Variants in GPC3 observed in about 807,000 individuals in gnomAD.
The protein encoded by GPC3 is glypican-3.
In GPC3, 3 loss-of-function variants were observed where a neutral mutation model predicts 34.4. That is an observed-to-expected ratio of 0.09 (90% CI 0.04 to 0.23). The LOEUF is 0.23. Ranked by LOEUF, GPC3 falls within the 10% of genes least tolerant of loss-of-function variation. GPC3 has a pLI of 1.00. For synonymous variants in GPC3, 177 were observed against 174.0 expected, an observed-to-expected ratio of 1.02 and a Z score of -0.13; for missense variants, 351 against 445.6, an observed-to-expected ratio of 0.79 and a Z score of 1.91.
chrX:133,851,014 G>T (rs1378911654), intron 2 of GPC3, among the ~76,000 whole-genome samples: 1 of 111,129 alleles, frequency 9.0e-6, no homozygotes, highest in Non-Finnish European at 1.9e-5. Flanking sequence ...TGAGGCAGAA[G>T]AATTGCTTGA....
chrX:133,648,538 A>G (rs1031255524), intron 6 of GPC3, among the ~76,000 whole-genome samples: 1 of 111,969 alleles, frequency 8.9e-6, no homozygotes, highest in Non-Finnish European at 1.9e-5. Flanking sequence ...CGCTGCTGGC[A>G]GAGTTAACAT....
At chrX:133,936,209 TATAATAATAATA>T (rs58972441) in intron 2 of GPC3, among the ~76,000 whole-genome samples, 3 of 99,448 alleles carry the variant, frequency 3.0e-5, no homozygotes, top group African/African-American at 7.3e-5. Flanking sequence ...AAACTTAAAG[TATAATAATAATA>T]ATAATAATAA....
At chrX:133,743,524 A>G (rs2071584288) in intron 3 of GPC3, among the ~76,000 whole-genome samples, 1 of 112,491 alleles carries the variant, frequency 8.9e-6, no homozygotes, top group African/African-American at 3.2e-5. Flanking sequence ...TTGTGGTGCC[A>G]TTGTGAGTGG....
intron 3 of GPC3, among the ~76,000 whole-genome samples, chrX:133,733,425 T>A (rs778887620): frequency 4.5e-4 from 50 of 111,209 alleles, no homozygotes; most frequent in African/African-American, 1.5e-3. Context: ...AAACTACTTG[T>A]ACCCCAAAAG....
intron 2 of GPC3, among the ~76,000 whole-genome samples, chrX:133,840,658 T>C (rs2075820204): frequency 9.0e-6 from 1 of 111,049 alleles, no homozygotes; most frequent in African/African-American, 3.3e-5. Context: ...ATCATCACCA[T>C]GCTCTTTTCC....
intron 3 of GPC3, among the ~76,000 whole-genome samples, chrX:133,744,234 G>A (rs1271873652): frequency 8.9e-6 from 1 of 112,084 alleles, no homozygotes; most frequent in African/African-American, 3.2e-5. Flanking sequence ...GCAACCTACA[G>A]AATGGGAGAA....
intron 2 of GPC3, among the ~76,000 whole-genome samples, chrX:133,939,162 T>G (rs1176013180): frequency 7.2e-5 from 8 of 111,664 alleles, no homozygotes; most frequent in Non-Finnish European, 1.3e-4. Flanking sequence ...GACCAGCTAC[T>G]GGCTCCTTAT....
At chrX:133,668,802 C>T (rs2070796611) in intron 5 of GPC3, among the ~76,000 whole-genome samples, 1 of 111,740 alleles carries the variant, frequency 8.9e-6, no homozygotes, top group African/African-American at 3.3e-5. Flanking sequence ...AATCCATCTC[C>T]AGCTGTGTGG....
At chrX:133,602,192 C>T (rs182973730) in intron 6 of GPC3, among the ~76,000 whole-genome samples, 19 of 111,594 alleles carry the variant, frequency 1.7e-4, no homozygotes, top group Admixed American at 1.6e-3. Context: ...CCCACATTCT[C>T]GCTCATATGT....
At chrX:133,697,152 C>G (rs1189145401) in intron 4 of GPC3, among the ~76,000 whole-genome samples, 4 of 112,651 alleles carry the variant, frequency 3.6e-5, no homozygotes. Flanking sequence ...GTAAAAACAG[C>G]CTTTCATCCC....
intron 2 of GPC3, among the ~76,000 whole-genome samples, chrX:133,942,479 G>A (rs2124628870): frequency 8.9e-6 from 1 of 111,797 alleles, no homozygotes; most frequent in African/African-American, 3.2e-5. Flanking sequence ...TGTTACAGAA[G>A]TACATTATTG....
chrX:133,734,774 A>T (rs983547934), intron 3 of GPC3, among the ~76,000 whole-genome samples: 44 of 111,435 alleles, frequency 3.9e-4, no homozygotes, highest in Admixed American at 9.6e-5. Context: ...AAACTAATAA[A>T]CAAGTTCAGT....
intron 5 of GPC3, among the ~76,000 whole-genome samples, chrX:133,673,513 C>T (rs2070853692): frequency 8.9e-6 from 1 of 112,348 alleles, no homozygotes; most frequent in Non-Finnish European, 1.9e-5. Flanking sequence ...AACTGACGTT[C>T]AAAATAATGA....
chrX:133,663,563 T>G (rs2070743994), intron 5 of GPC3, among the ~76,000 whole-genome samples: 1 of 111,708 alleles, frequency 9.0e-6, no homozygotes. Context: ...TTTTTTCTTT[T>G]GAACTATGAC....
intron 3 of GPC3, among the ~76,000 whole-genome samples, chrX:133,712,315 T>A (rs1222520848): frequency 8.9e-6 from 1 of 112,156 alleles, no homozygotes; most frequent in Non-Finnish European, 1.9e-5. Flanking sequence ...TAGACATGCA[T>A]AATTTATCTT....
intron 3 of GPC3, among the ~76,000 whole-genome samples, chrX:133,744,266 G>A (rs1340897731): frequency 8.9e-6 from 1 of 112,047 alleles, no homozygotes. Context: ...CTGTCCACCT[G>A]ACAAAGTGCT....
intron 7 of GPC3, among the ~76,000 whole-genome samples, chrX:133,567,210 C>T (rs2069590060): frequency 8.9e-6 from 1 of 111,973 alleles, no homozygotes; most frequent in South Asian, 3.8e-4. Flanking sequence ...CCCAGGTGAG[C>T]CCTGTCTTGC....
At chrX:133,693,425 C>T (rs1379084849) in intron 4 of GPC3, among the ~76,000 whole-genome samples, 2 of 111,295 alleles carry the variant, frequency 1.8e-5, no homozygotes, top group African/African-American at 6.5e-5. Context: ...GGTAAATAAA[C>T]AAAAATAAAA....
At chrX:133,895,281 T>A (rs1189184015) in intron 2 of GPC3, among the ~76,000 whole-genome samples, 1 of 111,948 alleles carries the variant, frequency 8.9e-6, no homozygotes, top group African/African-American at 3.2e-5. Flanking sequence ...GAAAGAGATG[T>A]CTTCCTTTAT....
Sources: gnomAD v4.1 joint callset for allele counts (sites outside exome capture counted in the v4.1 genomes callset) on GRCh38, gnomAD v4.1.1 for gene constraint, MANE v1.5 for transcripts, NCBI Gene and HGNC (gene_info 2026-07-23, HGNC 2026-07-21) for gene names.